The following MPP7 variants were observed in gnomAD, a reference collection of about 807,000 sequenced individuals.
MPP7 encodes the protein MAGUK p55 scaffold protein 7.
In MPP7, 60 loss-of-function variants were observed where a neutral mutation model predicts 76.5. The ratio of observed to expected loss-of-function variants is 0.78; its 90% CI spans 0.64 to 0.97. MPP7 has a LOEUF of 0.97. Among genes scored for constraint, MPP7 ranks in the 50% least tolerant of loss-of-function variants. The pLI is 0.00. For missense variants in MPP7, 641 were observed against 694.0 expected (o/e 0.92, Z 0.86); for synonymous variants, 237 against 244.5 (o/e 0.97, Z 0.29).
chr10:28,307,105 C>A (rs987423644), upstream of MPP7, among the ~76,000 whole-genome samples: 2 of 152,164 alleles, frequency 1.3e-5, no homozygotes, highest in Non-Finnish European at 2.9e-5. Context: ...ACACACTGGG[C>A]AGATTACCAG....
chr10:28,326,506 C>G (rs1250077316), intron 2 of MPP7, among the ~76,000 whole-genome samples: 1 of 152,108 alleles, frequency 6.6e-6, no homozygotes, highest in African/African-American at 2.4e-5. Context: ...ATGCTCCGGG[C>G]TCAATTTTAA....
At chr10:28,164,344 T>A (rs1307535745) in intron 3 of MPP7, among the ~76,000 whole-genome samples, 1 of 151,830 alleles carries the variant, frequency 6.6e-6, no homozygotes, top group Non-Finnish European at 1.5e-5. Context: ...GAGCTCACCA[T>A]GAGGTAAAAT....
chr10:28,213,888 A>C (rs1366574521), intron 2 of MPP7, among the ~76,000 whole-genome samples: 1 of 151,624 alleles, frequency 6.6e-6, no homozygotes, highest in African/African-American at 2.4e-5. Flanking sequence ...GGAAGTCATA[A>C]ATTGGTATAC....
intron 3 of MPP7, among the ~76,000 whole-genome samples, chr10:28,174,321 C>T (rs182563853): frequency 2.6e-5 from 4 of 152,270 alleles, no homozygotes; most frequent in Admixed American, 1.3e-4. Context: ...GTGGGTCATG[C>T]GGACAGATCC....
intron 1 of MPP7, among the ~76,000 whole-genome samples, chr10:28,287,678 T>A (rs191040615): frequency 1.7e-3 from 266 of 152,330 alleles, no homozygotes; most frequent in African/African-American, 5.9e-3. Context: ...ACCAATTATA[T>A]CTCAATAAAG....
intron 2 of MPP7, among the ~76,000 whole-genome samples, chr10:28,234,829 G>A (rs189422690): frequency 1.3e-5 from 2 of 151,512 alleles, no homozygotes; most frequent in Admixed American, 6.6e-5. Context: ...TGTTTTTTTT[G>A]AGACAGGGTC....
At chr10:28,231,461 A>T (rs777556347) in intron 2 of MPP7, among the ~76,000 whole-genome samples, 5 of 151,848 alleles carry the variant, frequency 3.3e-5, no homozygotes, top group Non-Finnish European at 7.4e-5. Context: ...TAAGTTTTAT[A>T]TCTAAAAAGA....
chr10:28,192,893 G>A (rs906608193), intron 3 of MPP7, among the ~76,000 whole-genome samples: 18 of 152,184 alleles, frequency 1.2e-4, no homozygotes, highest in African/African-American at 4.3e-4. Context: ...GGTAATCAAG[G>A]CAGCATGTGT....
chr10:28,162,722 A>G (rs1836303488), intron 3 of MPP7, among the ~76,000 whole-genome samples: 1 of 152,046 alleles, frequency 6.6e-6, no homozygotes, highest in African/African-American at 2.4e-5. Flanking sequence ...GGGGGGTTGA[A>G]CCTACTGACT....
At chr10:28,099,636 C>T (rs914240768) in intron 11 of MPP7, among the ~76,000 whole-genome samples, 1 of 152,044 alleles carries the variant, frequency 6.6e-6, no homozygotes, top group South Asian at 2.1e-4. Context: ...GAAACCCCGT[C>T]TCTACTAAAA....
intron 1 of MPP7, among the ~76,000 whole-genome samples, chr10:28,333,299 C>T (rs1834487197): frequency 6.6e-6 from 1 of 152,200 alleles, no homozygotes; most frequent in Non-Finnish European, 1.5e-5. Context: ...GCACCCGCCA[C>T]CACACCCAGC....
intron 1 of MPP7, among the ~76,000 whole-genome samples, 165 bp downstream of exon 1, chr10:28,302,696 C>T (rs1841191433): frequency 6.6e-6 from 1 of 151,972 alleles, no homozygotes; most frequent in African/African-American, 2.4e-5. Flanking sequence ...AAGGTGCCCG[C>T]CGCGGGCTCC....
chr10:28,117,437 TAAAAAC>T (rs1194537797), intron 11 of MPP7, among the ~76,000 whole-genome samples: 1 of 152,090 alleles, frequency 6.6e-6, no homozygotes, highest in African/African-American at 2.4e-5. Flanking sequence ...TTCAAAATCA[TAAAAAC>T]AAAAGATTTT....
At chr10:28,078,963 T>C (rs991032633) in intron 12 of MPP7, among the ~76,000 whole-genome samples, 1 of 152,220 alleles carries the variant, frequency 6.6e-6, no homozygotes, top group African/African-American at 2.4e-5. Flanking sequence ...AAGATTCTTT[T>C]ATGTTTATCT....
At chr10:28,190,043 G>A (rs1837362900) in intron 3 of MPP7, among the ~76,000 whole-genome samples, 4 of 152,024 alleles carry the variant, frequency 2.6e-5, no homozygotes, top group Admixed American at 2.6e-4. Flanking sequence ...TTCCCAACAT[G>A]GCAAATTGGC....
chr10:28,297,607 G>C lies in MPP7; in HGVS notation c.-132+5254C>G, dbSNP rs184625853. On this transcript the variant is annotated intron_variant, in intron 1 of 16. Coordinates refer to ENST00000683449, the MANE Select transcript of MPP7 (RefSeq NM_001318170.2). Reference sequence around the variant, plus strand: ...CCAGCTACTCAGGAGGCTGAGACAGGAGAATCTCTTAAACCTGGGAGGCGG... The same window carrying C: ...CCAGCTACTCAGGAGGCTGAGACAGCAGAATCTCTTAAACCTGGGAGGCGG... 3.3e-5 allele frequency among the ~76,000 whole-genome samples: 5 copies of C among 152,316 alleles called. No individual in the cohort carries two copies. In the East Asian group the frequency reaches 9.6e-4, roughly 29 times the overall value.
At chr10:28,117,029 C>T (rs2133591558) in intron 11 of MPP7, among the ~76,000 whole-genome samples, 1 of 152,156 alleles carries the variant, frequency 6.6e-6, no homozygotes, top group East Asian at 1.9e-4. Context: ...ATGTGCCCTT[C>T]CTTATTTATT....
chr10:28,090,610 C>T (rs1259051632), intron 11 of MPP7, among the ~76,000 whole-genome samples: 2 of 152,194 alleles, frequency 1.3e-5, no homozygotes, highest in African/African-American at 4.8e-5. Flanking sequence ...ACAACGTACC[C>T]ATGGCACAGG....
At chr10:28,214,899 C>T (rs1588935683) in intron 2 of MPP7, among the ~76,000 whole-genome samples, 1 of 152,054 alleles carries the variant, frequency 6.6e-6, no homozygotes, top group East Asian at 1.9e-4. Context: ...AGAGTCTGAA[C>T]CTCTCCACGT....
Sources: gnomAD v4.1 joint callset for allele counts (sites outside exome capture counted in the v4.1 genomes callset) on GRCh38, gnomAD v4.1.1 for gene constraint, MANE v1.5 for transcripts, NCBI Gene and HGNC (gene_info 2026-07-23, HGNC 2026-07-21) for gene names.